Variants in EIF3H observed in about 807,000 individuals in gnomAD.
EIF3H encodes the protein eukaryotic translation initiation factor 3 subunit H.
Under a neutral mutation model 44.2 loss-of-function variants are expected in EIF3H, and 26 were observed. The ratio of observed to expected loss-of-function variants is 0.59; its 90% CI spans 0.43 to 0.82. The LOEUF (loss-of-function observed/expected upper bound fraction) is 0.82, where lower values mean the gene tolerates loss of function less well. Ranked by LOEUF, EIF3H falls within the 40% of genes least tolerant of loss-of-function variation. EIF3H has a pLI of 0.00. For synonymous variants in EIF3H, 166 were observed against 151.9 expected, an observed-to-expected ratio of 1.09 and a Z score of -0.68; for missense variants, 359 against 432.8, an observed-to-expected ratio of 0.83 and a Z score of 1.51.
intron 2 of EIF3H, among the ~76,000 whole-genome samples, chr8:116,723,457 G>A (rs573885001): frequency 6.6e-6 from 1 of 152,076 alleles, no homozygotes; most frequent in Non-Finnish European, 1.5e-5. Context: ...ACTGCATAAG[G>A]GTTTAAAAAA....
chr8:116,642,220 C>T lies in EIF3H; in HGVS notation c.*2786G>A, dbSNP rs1292465731. 2.6e-5 allele frequency: 4 copies of T among 151,834 alleles called. No homozygotes were observed. Among genetic ancestry groups the T allele is most frequent in the Non-Finnish European group, 5.9e-5 (4 of 67,964 alleles). 9.4% of individuals were successfully genotyped at this position (151,834 alleles called of 1,614,324 possible). On this transcript the variant is annotated 3_prime_UTR_variant, in exon 8 of 8. Transcript: ENST00000521861. ...ATTCTGATACCACTACACCTGAGTT[C>T]GATGCCAGCATGGTTTGAAAGTGAA...
chr8:116,673,326 C>T (rs1170698864), intron 2 of EIF3H, among the ~76,000 whole-genome samples: 2 of 152,150 alleles, frequency 1.3e-5, no homozygotes, highest in Non-Finnish European at 2.9e-5. Flanking sequence ...ATTAATATTT[C>T]AATTACGGGG....
chr8:116,749,332 C>T (rs1474843116), intron 1 of EIF3H, among the ~76,000 whole-genome samples: 1 of 152,134 alleles, frequency 6.6e-6, no homozygotes, highest in Non-Finnish European at 1.5e-5. Flanking sequence ...AGAGAGCAAG[C>T]TTCTTCTCAA....
chr8:116,655,349 T>A (rs1813471537), intron 5 of EIF3H, among the ~76,000 whole-genome samples: 1 of 151,582 alleles, frequency 6.6e-6, no homozygotes, highest in East Asian at 1.9e-4. Context: ...GAAGCCAATG[T>A]CAGGTTCAGA....
intron 1 of EIF3H, among the ~76,000 whole-genome samples, chr8:116,752,696 GAA>G (rs577514871): frequency 1.6e-5 from 2 of 124,798 alleles, no homozygotes; most frequent in Admixed American, 8.4e-5. Flanking sequence ...AAGAAAGAAA[GAA>G]AGAAAGAAAG....
At chr8:116,763,924 A>T (rs1010553071) in intron 1 of EIF3H, among the ~76,000 whole-genome samples, 1 of 152,160 alleles carries the variant, frequency 6.6e-6, no homozygotes, top group African/African-American at 2.4e-5. Context: ...TTCATGAGAA[A>T]GTCCTATTTG....
chr8:116,723,314 G>A (rs1814782412), intron 2 of EIF3H, among the ~76,000 whole-genome samples: 1 of 152,044 alleles, frequency 6.6e-6, no homozygotes, highest in African/African-American at 2.4e-5. Flanking sequence ...CCCCACATAT[G>A]TGCATGTATA....
intron 2 of EIF3H, among the ~76,000 whole-genome samples, chr8:116,687,243 G>A (rs1190857807): frequency 6.6e-6 from 1 of 152,108 alleles, no homozygotes; most frequent in Non-Finnish European, 1.5e-5. Flanking sequence ...CCTTTAAAAG[G>A]GGCTCATGGA....
At chr8:116,648,376 G>A (rs1254247997) in intron 6 of EIF3H, among the ~76,000 whole-genome samples, 1 of 152,222 alleles carries the variant, frequency 6.6e-6, no homozygotes, top group East Asian at 1.9e-4. Context: ...CTTCACAGCA[G>A]TTGGTCTATT....
intron 5 of EIF3H, among the ~76,000 whole-genome samples, chr8:116,652,185 T>A (rs1247905091): frequency 6.6e-6 from 1 of 152,114 alleles, no homozygotes; most frequent in East Asian, 1.9e-4. Flanking sequence ...TAGGAAAGGA[T>A]CTCAGGAAGA....
upstream of EIF3H, among the ~76,000 whole-genome samples, chr8:116,756,880 A>C (rs915299230): frequency 2.0e-5 from 3 of 152,244 alleles, no homozygotes; most frequent in African/African-American, 7.2e-5. Flanking sequence ...GTAAAATTAC[A>C]CTAGAAATTG....
At chr8:116,675,004 C>T (rs745559706) in intron 2 of EIF3H, among the ~76,000 whole-genome samples, 1 of 152,122 alleles carries the variant, frequency 6.6e-6, no homozygotes, top group Non-Finnish European at 1.5e-5. Context: ...GAACTCTTGT[C>T]CATCTTTAAA....
chr8:116,654,396 T>C (rs1000683951), intron 5 of EIF3H, among the ~76,000 whole-genome samples: 1 of 152,216 alleles, frequency 6.6e-6, no homozygotes, highest in Admixed American at 6.5e-5. Flanking sequence ...TGTATTTCTT[T>C]TGTATGCTCA....
chr8:116,722,560 C>T (rs907018639), intron 2 of EIF3H, among the ~76,000 whole-genome samples: 3 of 152,190 alleles, frequency 2.0e-5, no homozygotes, highest in African/African-American at 7.2e-5. Flanking sequence ...ACTCTTACTA[C>T]ATATGTATGT....
intron 2 of EIF3H, among the ~76,000 whole-genome samples, chr8:116,707,018 T>C (rs1814482876): frequency 6.6e-6 from 1 of 152,208 alleles, no homozygotes; most frequent in Non-Finnish European, 1.5e-5. Flanking sequence ...TGAGGAGCAC[T>C]TGTATTTTAT....
intron 5 of EIF3H, among the ~76,000 whole-genome samples, chr8:116,653,481 G>A (rs1016866122): frequency 5.9e-5 from 9 of 152,016 alleles, no homozygotes; most frequent in Non-Finnish European, 1.3e-4. Flanking sequence ...GTTTAACTAG[G>A]ATGCTGAAAC....
At chr8:116,734,841 G>A (rs771797092) in intron 1 of EIF3H, among the ~76,000 whole-genome samples, 10 of 152,276 alleles carry the variant, frequency 6.6e-5, no homozygotes, top group Admixed American at 1.3e-4. Context: ...GATTACAGGC[G>A]TGAGCCACCA....
intron 2 of EIF3H, among the ~76,000 whole-genome samples, chr8:116,673,277 C>G (rs1199027350): frequency 6.6e-6 from 1 of 152,150 alleles, no homozygotes; most frequent in Non-Finnish European, 1.5e-5. Context: ...AAAATTAAGA[C>G]TCCACCCTAA....
chr8:116,735,453 G>C (rs1410260915), intron 1 of EIF3H, among the ~76,000 whole-genome samples: 2 of 152,160 alleles, frequency 1.3e-5, no homozygotes, highest in Non-Finnish European at 2.9e-5. Context: ...ACAAAGACAT[G>C]TCTACAAATG....
Sources: gnomAD v4.1 joint callset for allele counts (sites outside exome capture counted in the v4.1 genomes callset) on GRCh38, gnomAD v4.1.1 for gene constraint, MANE v1.5 for transcripts, NCBI Gene and HGNC (gene_info 2026-07-23, HGNC 2026-07-21) for gene names.